Variants in SHISAL2A observed in about 807,000 individuals in gnomAD.
SHISAL2A encodes protein shisa-like-2A.
SHISAL2A carries 18 observed loss-of-function variants against 11.5 expected under a neutral mutation model. The ratio of observed to expected loss-of-function variants is 1.57; its 90% CI spans 1.08 to 2.33. The LOEUF (loss-of-function observed/expected upper bound fraction) is 2.33, where lower values mean the gene tolerates loss of function less well. Ranked by LOEUF, SHISAL2A falls within the 30% of genes most tolerant of loss-of-function variation. SHISAL2A has a pLI of 0.00. For synonymous variants in SHISAL2A, 94 were observed against 99.6 expected, an observed-to-expected ratio of 0.94 and a Z score of 0.34; for missense variants, 261 against 250.9, an observed-to-expected ratio of 1.04 and a Z score of -0.27.
downstream of SHISAL2A, among the ~76,000 whole-genome samples, chr1:52,659,239 AT>A (rs899027641): frequency 2.8e-4 from 42 of 150,054 alleles, no homozygotes; most frequent in South Asian, 8.5e-3. Flanking sequence ...TAATTTTTAA[AT>A]TTTTTTTTTA....
At chr1:52,652,672 A>G (rs937436351) in intron 2 of SHISAL2A, among the ~76,000 whole-genome samples, 4 of 152,098 alleles carry the variant, frequency 2.6e-5, no homozygotes, top group African/African-American at 9.7e-5. Context: ...CTGTTAGAAC[A>G]AAGTGTGTTT....
At chr1:52,646,025 G>T in intron 2 of SHISAL2A, among the ~76,000 whole-genome samples, 1 of 152,180 alleles carries the variant, frequency 6.6e-6, no homozygotes, top group East Asian at 1.9e-4. Context: ...TTGTGATATT[G>T]GCACAGAAAT....
chr1:52,649,281 C>A (rs1691572128), intron 2 of SHISAL2A, among the ~76,000 whole-genome samples: 1 of 152,254 alleles, frequency 6.6e-6, no homozygotes, highest in African/African-American at 2.4e-5. Flanking sequence ...GAGGTCTTTA[C>A]CCCCATTTTA....
In SHISAL2A at chr1:52,657,046, C is replaced by T; in HGVS notation, c.*6C>T. The T allele has an allele frequency of 6.3e-7, 1 of 1,581,976 alleles. No homozygotes were observed. Among genetic ancestry groups the T allele is most frequent in the Non-Finnish European group, 8.6e-7 (1 of 1,161,146 alleles). On this transcript the variant is annotated 3_prime_UTR_variant, in exon 3 of 3. Coordinates refer to ENST00000517870, the MANE Select transcript of SHISAL2A (RefSeq NM_001042693.3). ...TATGTGGACCAGTCCCATAAACATT[C>T]AATAAATGTCTCCATACCATCCCCT...
At chr1:52,643,748 G>A (rs557114436) in intron 2 of SHISAL2A, among the ~76,000 whole-genome samples, 39 of 152,288 alleles carry the variant, frequency 2.6e-4, no homozygotes, top group Non-Finnish European at 4.3e-4. Context: ...AGCTACTCAG[G>A]AGGCTGAGGC....
intron 4 of SHISAL2A, among the ~76,000 whole-genome samples, chr1:52,665,033 C>G (rs1299894954): frequency 6.6e-6 from 1 of 152,196 alleles, no homozygotes. Context: ...AAGCAATCCG[C>G]CAGCCAGCCC....
Position 52,650,660 on chromosome 1 carries a change from T to G in SHISAL2A, c.323-6130T>G, listed in dbSNP as rs78611975. On this transcript the variant is annotated intron_variant, in intron 2 of 2. Transcript: ENST00000517870. The stretch of plus-strand genomic sequence containing the variant: ...TTAAAACCCTTTTTTTTTTTTTTTT[T>G]TTGAGACAGAATCTCCCTCTGTTAC... 2.8e-3 allele frequency among the ~76,000 whole-genome samples: 421 copies of G among 148,960 alleles called. 1 individual carries two copies. Among genetic ancestry groups the G allele is most frequent in the African/African-American group, 8.0e-3 (326 of 40,704 alleles).
intron 2 of SHISAL2A, among the ~76,000 whole-genome samples, chr1:52,655,055 A>C (rs1040670278): frequency 2.0e-5 from 3 of 152,048 alleles, no homozygotes; most frequent in Non-Finnish European, 4.4e-5. Flanking sequence ...GTCTTGTGGC[A>C]CAAGCCTGTA....
intron 1 of SHISAL2A, among the ~76,000 whole-genome samples, chr1:52,636,796 G>A (rs905760767): frequency 5.3e-5 from 8 of 152,224 alleles, no homozygotes; most frequent in Non-Finnish European, 7.3e-5. Flanking sequence ...GCAGAGCTGG[G>A]TTGAAAACTC....
chr1:52,660,775 CATTT>C (rs1311503455), downstream of SHISAL2A, among the ~76,000 whole-genome samples: 1 of 152,156 alleles, frequency 6.6e-6, no homozygotes, highest in Non-Finnish European at 1.5e-5. Context: ...CAGACGTTCA[CATTT>C]GTTTGTCCAT....
At chr1:52,640,858 T>G (rs1239031926) in intron 1 of SHISAL2A, among the ~76,000 whole-genome samples, 1 of 152,158 alleles carries the variant, frequency 6.6e-6, no homozygotes, top group Non-Finnish European at 1.5e-5. Flanking sequence ...GGGGGCTGGT[T>G]GCCGGGGAAA....
intron 2 of SHISAL2A, among the ~76,000 whole-genome samples, chr1:52,650,208 T>A (rs778554646): frequency 5.9e-5 from 9 of 152,160 alleles, no homozygotes; most frequent in Admixed American, 3.3e-4. Context: ...GATGAGTTTG[T>A]TTTGACTCCT....
downstream of SHISAL2A, among the ~76,000 whole-genome samples, chr1:52,659,214 G>A (rs1285156408): frequency 6.6e-6 from 1 of 152,062 alleles, no homozygotes; most frequent in East Asian, 1.9e-4. Flanking sequence ...ACAGGTGCGT[G>A]CCACTGTGTC....
chr1:52,655,251 C>T (rs958281829), intron 2 of SHISAL2A, among the ~76,000 whole-genome samples: 1 of 151,596 alleles, frequency 6.6e-6, no homozygotes, highest in African/African-American at 2.4e-5. Flanking sequence ...ATTAAGAAAA[C>T]AAATGATCCC....
intron 2 of SHISAL2A, among the ~76,000 whole-genome samples, chr1:52,649,693 T>A (rs1691583920): frequency 1.3e-5 from 2 of 152,208 alleles, no homozygotes; most frequent in South Asian, 4.1e-4. Flanking sequence ...TTCAAACACA[T>A]CATCCCCTTT....
intron 2 of SHISAL2A, among the ~76,000 whole-genome samples, chr1:52,655,811 C>T (rs2149890726): frequency 6.6e-6 from 1 of 152,296 alleles, no homozygotes; most frequent in Admixed American, 6.5e-5. Context: ...CTCACTTGAT[C>T]TTAGAAAGAT....
downstream of SHISAL2A, among the ~76,000 whole-genome samples, chr1:52,661,627 C>T (rs1237107718): frequency 6.6e-6 from 1 of 152,184 alleles, no homozygotes; most frequent in Non-Finnish European, 1.5e-5. Context: ...TGAAGGGCTC[C>T]TTGCATACCT....
intron 1 of SHISAL2A, among the ~76,000 whole-genome samples, chr1:52,638,538 C>A (rs186872965): frequency 6.6e-6 from 1 of 152,276 alleles, no homozygotes; most frequent in Non-Finnish European, 1.5e-5. Flanking sequence ...AGCTTGGATT[C>A]ACCAGGAGAC....
At chr1:52,656,192 A>G (rs893837799) in intron 2 of SHISAL2A, among the ~76,000 whole-genome samples, 3 of 152,230 alleles carry the variant, frequency 2.0e-5, no homozygotes, top group Non-Finnish European at 4.4e-5. Context: ...ATAATGTTAA[A>G]TGTTCCTGAT....
Sources: allele counts gnomAD v4.1 joint callset (sites outside exome capture counted in the v4.1 genomes callset), GRCh38; gene constraint gnomAD v4.1.1; transcripts MANE v1.5; gene names NCBI Gene and HGNC (gene_info 2026-07-23, HGNC 2026-07-21).